Variants in CSMD2 observed in about 807,000 individuals in gnomAD.
CSMD2 encodes the protein CUB and sushi domain-containing protein 2.
A neutral mutation model predicts 398.5 loss-of-function variants in CSMD2; 130 were observed. The observed-to-expected ratio is 0.33, with a 90% CI of 0.28 to 0.38. The LOEUF (loss-of-function observed/expected upper bound fraction) is 0.38, where lower values mean the gene tolerates loss of function less well. CSMD2 is among the 10% of genes least tolerant of loss of function. CSMD2 has a pLI of 1.00. For missense variants in CSMD2, 3,829 were observed against 4,764.9 expected (o/e 0.80, Z 5.78); for synonymous variants, 1,828 against 1,908.5 (o/e 0.96, Z 1.10).
intron 13 of CSMD2, among the ~76,000 whole-genome samples, chr1:33,747,880 C>A (rs1210935962): frequency 2.0e-5 from 3 of 152,164 alleles, no homozygotes; most frequent in African/African-American, 7.2e-5. Flanking sequence ...CAGGTGATCC[C>A]AAATTGCAGC....
rs193055591 is a variant in CSMD2, at chr1:33,849,239, A to G, written c.921-2243T>C. Reference sequence around the variant, plus strand: ...TTGAGAGTTTTCTTGGCATCTATCAAAGAATTGGGGGCTTACATGGCAGAA... The same window carrying G: ...TTGAGAGTTTTCTTGGCATCTATCAGAGAATTGGGGGCTTACATGGCAGAA... On this transcript the variant is annotated intron_variant, in intron 5 of 70. Transcript: ENST00000373381. 9.9e-5 allele frequency among the ~76,000 whole-genome samples: 15 copies of G among 152,280 alleles called. No homozygotes were observed. In the East Asian group the frequency reaches 2.9e-3, roughly 29 times the overall value.
chr1:33,836,144 C>T (rs1451492560), intron 6 of CSMD2, among the ~76,000 whole-genome samples: 1 of 152,186 alleles, frequency 6.6e-6, no homozygotes, highest in Non-Finnish European at 1.5e-5. Context: ...ACCCTGTTTG[C>T]CTGGGTATCA....
intron 3 of CSMD2, among the ~76,000 whole-genome samples, chr1:33,995,021 C>A (rs1323751444): frequency 6.6e-6 from 1 of 151,330 alleles, no homozygotes; most frequent in Non-Finnish European, 1.5e-5. Context: ...CCAAGATCGC[C>A]CCACCGCACT....
intron 3 of CSMD2, among the ~76,000 whole-genome samples, chr1:34,010,252 C>T (rs1174506523): frequency 1.3e-5 from 2 of 152,206 alleles, no homozygotes; most frequent in Non-Finnish European, 2.9e-5. Context: ...CTTCATCCTT[C>T]CCTTAGTTCA....
intron 13 of CSMD2, among the ~76,000 whole-genome samples, chr1:33,744,654 T>C (rs776082930): frequency 7.9e-5 from 12 of 152,148 alleles, no homozygotes; most frequent in Admixed American, 1.3e-4. Flanking sequence ...ACAACGCTTA[T>C]GACACAGGAA....
chr1:33,552,349 T>G (rs1657536880), intron 55 of CSMD2, among the ~76,000 whole-genome samples: 1 of 152,220 alleles, frequency 6.6e-6, no homozygotes, highest in Admixed American at 6.5e-5. Flanking sequence ...AGTTTGGCAG[T>G]TCCTCAAAAA....
chr1:33,709,125 G>A lies in CSMD2; in HGVS notation c.3540C>T (p.Ala1180=), dbSNP rs761201826. The A allele has an allele frequency of 1.9e-6, 3 of 1,613,860 alleles. No individual in the cohort carries two copies. The African/African-American group carries it at 4.0e-5, about 22-fold the overall frequency. ...CTCCTTCGGAGAGTTCGAATGCCCT[G>A]GCTTTCAGCTGAATTCCCTTCCCTG... ...TQPGKGIQLK[A]RAFELSEGDV... is the part of the protein sequence containing the mutation. Residue 1180 remains alanine (A), a synonymous_variant, in exon 22 of 71, where the codon GCC becomes GCT. Coordinates refer to ENST00000373381, the MANE Select transcript of CSMD2 (RefSeq NM_001281956.2).
At chr1:34,055,339 G>A (rs1262254138) in intron 2 of CSMD2, among the ~76,000 whole-genome samples, 2 of 152,174 alleles carry the variant, frequency 1.3e-5, no homozygotes, top group African/African-American at 2.4e-5. Context: ...CAGGCTGGAT[G>A]TCCTCCAGTG....
intron 3 of CSMD2, among the ~76,000 whole-genome samples, chr1:34,019,718 C>T (rs1648618791): frequency 6.6e-6 from 1 of 152,160 alleles, no homozygotes; most frequent in African/African-American, 2.4e-5. Context: ...TGCCTAAGAC[C>T]CTTCAGCGAT....
chr1:33,880,311 T>A, intron 5 of CSMD2, among the ~76,000 whole-genome samples: 1 of 152,208 alleles, frequency 6.6e-6, no homozygotes, highest in East Asian at 1.9e-4. Context: ...TAAAGCTGTT[T>A]TTATTTCTGC....
chr1:33,819,968 T>G lies in CSMD2; in HGVS notation c.1200-131A>C, dbSNP rs1657920756. On this transcript the variant is annotated intron_variant, in intron 8 of 70. Coordinates refer to ENST00000373381, the MANE Select transcript of CSMD2 (RefSeq NM_001281956.2). ...GGCCCTTAATCTCTGCTCCACTGTT[T>G]TATCACTAAAAATCTCCATTGGAAG... 9.5e-6 allele frequency: 11 copies of G among 1,159,628 alleles called. No homozygotes were observed. In the East Asian group the frequency reaches 2.7e-4, roughly 29 times the overall value. The allele number at this position is 1,159,628 out of a possible 1,614,324, so 71.8% of individuals were successfully genotyped here.
intron 3 of CSMD2, among the ~76,000 whole-genome samples, chr1:33,997,113 A>C (rs765830227): frequency 8.5e-5 from 13 of 152,180 alleles, no homozygotes; most frequent in Non-Finnish European, 1.3e-4. Flanking sequence ...GCCTCTCTGC[A>C]GGGCTCAGAC....
intron 1 of CSMD2, among the ~76,000 whole-genome samples, chr1:34,148,255 G>T (rs975602786): frequency 1.3e-5 from 2 of 152,130 alleles, no homozygotes; most frequent in African/African-American, 4.8e-5. Context: ...TCAAACCAAA[G>T]ATTTCAGTAA....
At chr1:33,763,250 C>A (rs1650060669) in intron 13 of CSMD2, among the ~76,000 whole-genome samples, 1 of 152,180 alleles carries the variant, frequency 6.6e-6, no homozygotes, top group African/African-American at 2.4e-5. Flanking sequence ...CCAAACCTCA[C>A]AGAACTGACA....
At chr1:33,875,932 G>A (rs1000281532) in intron 5 of CSMD2, among the ~76,000 whole-genome samples, 5 of 152,050 alleles carry the variant, frequency 3.3e-5, no homozygotes, top group African/African-American at 7.2e-5. Flanking sequence ...GGTTTTGTCC[G>A]GCATTGACAT....
intron 12 of CSMD2, among the ~76,000 whole-genome samples, chr1:33,776,128 G>C (rs141859595): frequency 0.027 from 4,186 of 152,288 alleles, 74 homozygotes; most frequent in South Asian, 0.047. Flanking sequence ...GGTTAAAGTA[G>C]TTTAGTACAG....
At chr1:34,150,467 C>CT (rs1344302758) in intron 1 of CSMD2, among the ~76,000 whole-genome samples, 2 of 152,150 alleles carry the variant, frequency 1.3e-5, no homozygotes, top group African/African-American at 4.8e-5. Flanking sequence ...AATCCAGGCT[C>CT]TCCCCCTCCC....
At chr1:34,068,934 G>A (rs1655416401) in intron 2 of CSMD2, among the ~76,000 whole-genome samples, 1 of 152,198 alleles carries the variant, frequency 6.6e-6, no homozygotes, top group African/African-American at 2.4e-5. Flanking sequence ...GGCCTCCTCA[G>A]CCATGTGGAA....
chr1:33,955,052 G>A (rs1013946534), intron 3 of CSMD2, among the ~76,000 whole-genome samples: 1 of 152,148 alleles, frequency 6.6e-6, no homozygotes, highest in Non-Finnish European at 1.5e-5. Context: ...TATCACCCGT[G>A]GACCCTGTCT....
Sources: gnomAD v4.1 joint callset for allele counts (sites outside exome capture counted in the v4.1 genomes callset) on GRCh38, gnomAD v4.1.1 for gene constraint, MANE v1.5 for transcripts, NCBI Gene and HGNC (gene_info 2026-07-23, HGNC 2026-07-21) for gene names.